Variants in DDHD1 observed in about 807,000 individuals in gnomAD.
DDHD1 encodes the protein DDHD domain containing 1.
In DDHD1, 49 loss-of-function variants were observed where a neutral mutation model predicts 96.4. The ratio of observed to expected loss-of-function variants is 0.51; its 90% CI spans 0.40 to 0.64. DDHD1 has a LOEUF of 0.64. Ranked by LOEUF, DDHD1 falls within the 30% of genes least tolerant of loss-of-function variation. DDHD1 has a pLI of 0.00. For synonymous variants in DDHD1, 442 were observed against 446.5 expected, an observed-to-expected ratio of 0.99 and a Z score of 0.13; for missense variants, 1,106 against 1,161.2, an observed-to-expected ratio of 0.95 and a Z score of 0.69.
chr14:53,117,019 A>C (rs189578788), intron 1 of DDHD1, among the ~76,000 whole-genome samples: 194 of 152,352 alleles, frequency 1.3e-3, no homozygotes, highest in Non-Finnish European at 2.2e-3. Flanking sequence ...TGCTAGCTAG[A>C]CTAATAAAGA....
At chr14:53,111,428 G>A (rs1888097638) in intron 1 of DDHD1, among the ~76,000 whole-genome samples, 1 of 151,952 alleles carries the variant, frequency 6.6e-6, no homozygotes, top group Admixed American at 6.6e-5. Context: ...AGCTATTGGT[G>A]ATAATGACTC....
chr14:53,047,047 A>G (rs1015813251), intron 12 of DDHD1, 98 bp from the exon 13 acceptor site: 2 of 929,448 alleles, frequency 2.2e-6, no homozygotes, highest in African/African-American at 3.4e-5. Context: ...AGCTAAATAG[A>G]AGTGATTCTG....
rs1881493870 is a variant in DDHD1, at chr14:53,039,494, T to C, written c.*7274A>G. 6.6e-6 allele frequency: 1 copy of C among 152,236 alleles called. No homozygotes were observed. The highest frequency in any genetic ancestry group is 2.1e-4 in the South Asian group (1 of 4,832). 9.4% of individuals were successfully genotyped at this position (152,236 alleles called of 1,614,324 possible). Reference sequence around the variant, plus strand: ...CAGACAGTGCTGATTGAGCTGCTGGTGCTTACAGGGACTCACACAAAGCAG... The same window carrying C: ...CAGACAGTGCTGATTGAGCTGCTGGCGCTTACAGGGACTCACACAAAGCAG... On this transcript the variant is annotated 3_prime_UTR_variant, in exon 13 of 13. Coordinates refer to ENST00000673822, the MANE Select transcript of DDHD1 (RefSeq NM_001160148.2).
rs1216406901 is a variant in DDHD1, at chr14:53,037,386, TTC to T, written c.*9380_*9381del. On this transcript the variant is annotated 3_prime_UTR_variant, in exon 13 of 13. Transcript: ENST00000673822. ...ACATTCCCACAACAGTGTATAAATGTTCTCTTTTCTCTGAAACCTTACTGGCA... is the reference window on the plus strand; with the variant it reads ...ACATTCCCACAACAGTGTATAAATGTTCTTTTCTCTGAAACCTTACTGGCA... 2 of 152,180 alleles carry T rather than the reference TTC, an allele frequency of 1.3e-5. No individual in the cohort carries two copies. The highest frequency in any genetic ancestry group is 4.8e-5 in the African/African-American group (2 of 41,464). 9.4% of individuals were successfully genotyped at this position (152,180 alleles called of 1,614,324 possible).
At chr14:53,068,618 TTGTC>T (rs1302618906) in intron 6 of DDHD1, among the ~76,000 whole-genome samples, 1 of 152,132 alleles carries the variant, frequency 6.6e-6, no homozygotes, top group East Asian at 1.9e-4. Flanking sequence ...CATTTTGTGT[TTGTC>T]TGATGTTTTC....
intron 1 of DDHD1, among the ~76,000 whole-genome samples, chr14:53,115,182 G>C (rs1888449111): frequency 6.6e-6 from 1 of 152,142 alleles, no homozygotes; most frequent in Non-Finnish European, 1.5e-5. Context: ...GAGAAAAAAA[G>C]AATGAAAAGG....
chr14:53,067,671 G>A (rs968999510), intron 6 of DDHD1, among the ~76,000 whole-genome samples: 7 of 151,820 alleles, frequency 4.6e-5, no homozygotes, highest in African/African-American at 1.5e-4. Flanking sequence ...TGGTTAGGCT[G>A]CTCTCAAACT....
At chr14:53,152,113 G>GAGAGAAGATGTGTAGAT in intron 1 of DDHD1, 148 bp downstream of exon 1, 9 of 833,738 alleles carry the variant, frequency 1.1e-5, no homozygotes, top group Admixed American at 3.2e-5. Flanking sequence ...AGCTGCCGAC[G>GAGAGAAGATGTGTAGAT]CTCCCTGCTC....
chr14:53,097,060 A>G (rs188102449), intron 2 of DDHD1, among the ~76,000 whole-genome samples: 1 of 152,124 alleles, frequency 6.6e-6, no homozygotes, highest in East Asian at 1.9e-4. Flanking sequence ...TTAAAAGTTC[A>G]CTTGAACTTG....
chr14:53,093,314 AC>A lies in DDHD1; in HGVS notation c.1141+1del. On this transcript the variant is annotated splice_donor_variant, in intron 3 of 12. Transcript: ENST00000673822. LOFTEE classifies it high-confidence loss of function. Reference sequence around the variant, plus strand: ...TAAGCTCTAGTAATATTTAACAATTACCTTTAGAAAATCCCAGTTTTTGGGT... The same window carrying A: ...TAAGCTCTAGTAATATTTAACAATTACTTTAGAAAATCCCAGTTTTTGGGT... The A allele has an allele frequency of 6.2e-7, 1 of 1,605,304 alleles. No homozygotes were observed. The highest frequency in any genetic ancestry group is 8.5e-7 in the Non-Finnish European group (1 of 1,177,916).
At chr14:53,070,846 T>C (rs372256659) in intron 6 of DDHD1, among the ~76,000 whole-genome samples, 2 of 152,168 alleles carry the variant, frequency 1.3e-5, no homozygotes, top group Non-Finnish European at 2.9e-5. Flanking sequence ...ATCCATTCCA[T>C]ACTTAGTTTT....
chr14:53,066,865 C>T (rs1884064479), intron 6 of DDHD1, among the ~76,000 whole-genome samples: 1 of 151,058 alleles, frequency 6.6e-6, no homozygotes, highest in African/African-American at 2.4e-5. Flanking sequence ...TACTCAGGAG[C>T]CTAAGGCACA....
rs1404527557 is a variant in DDHD1, at chr14:53,045,649, T to C, written c.*1119A>G. 2 of 152,188 alleles carry C rather than the reference T, an allele frequency of 1.3e-5. No homozygotes were observed. 9.4% of individuals were successfully genotyped at this position (152,188 alleles called of 1,614,324 possible). ...TTACTTACCTCAAGAAGCTAGTACA[T>C]GGGTTATTGAATGCACTCTTAAACT... On this transcript the variant is annotated 3_prime_UTR_variant, in exon 13 of 13. Coordinates refer to ENST00000673822, the MANE Select transcript of DDHD1 (RefSeq NM_001160148.2).
At position 53,077,687 on chromosome 14, in the gene DDHD1, A is replaced by C. The variant is rs567596392; in HGVS notation, c.1290-3840T>G. 1.3e-4 allele frequency among the ~76,000 whole-genome samples: 20 copies of C among 149,072 alleles called. 2 individuals carry two copies. The South Asian group carries it at 3.8e-3, about 28-fold the overall frequency. On this transcript the variant is annotated intron_variant, in intron 4 of 12. Transcript: ENST00000673822. ...TGTTTTTGTTTTTTTTTTTTAAAAA[A>C]CAATTGTGGCTTTTAGTATATTCAA...
Position 53,129,984 on chromosome 14 carries a change from G to A in DDHD1, c.838+22277C>T, listed in dbSNP as rs150186238. Among the ~76,000 whole-genome samples the A allele has an allele frequency of 1.0e-3, 157 of 152,220 alleles. 3 individuals are homozygous for A. The highest frequency in any genetic ancestry group is 3.5e-3 in the African/African-American group (144 of 41,538). Reference sequence around the variant, plus strand: ...CTAGTCTCTGCTCGCAATGCGACTCGTCGCAAATCTTTCTTCTTTCTCTCC... The same window carrying A: ...CTAGTCTCTGCTCGCAATGCGACTCATCGCAAATCTTTCTTCTTTCTCTCC... On this transcript the variant is annotated intron_variant, in intron 1 of 12. Transcript: ENST00000673822.
At chr14:53,116,134 T>C (rs1482655193) in intron 1 of DDHD1, among the ~76,000 whole-genome samples, 3 of 152,130 alleles carry the variant, frequency 2.0e-5, no homozygotes, top group Admixed American at 6.5e-5. Flanking sequence ...AAGAAGGACA[T>C]TACATAATGG....
chr14:53,079,160 T>C (rs1885224217), intron 4 of DDHD1, among the ~76,000 whole-genome samples: 1 of 152,194 alleles, frequency 6.6e-6, no homozygotes, highest in African/African-American at 2.4e-5. Flanking sequence ...TTGTATAGTT[T>C]TCTTTTCCTT....
At chr14:53,151,892 G>A (rs1414900441) in intron 1 of DDHD1, among the ~76,000 whole-genome samples, 1 of 152,098 alleles carries the variant, frequency 6.6e-6, no homozygotes, top group Non-Finnish European at 1.5e-5. Context: ...TAAATCATAG[G>A]CTGTTTAGGG....
intron 1 of DDHD1, among the ~76,000 whole-genome samples, chr14:53,112,695 T>A (rs1379470052): frequency 2.6e-5 from 4 of 152,194 alleles, no homozygotes; most frequent in African/African-American, 9.7e-5. Context: ...TATTTTCTAC[T>A]CCTATTTGTG....
Sources: allele counts gnomAD v4.1 joint callset (sites outside exome capture counted in the v4.1 genomes callset), GRCh38; gene constraint gnomAD v4.1.1; transcripts MANE v1.5; gene names NCBI Gene and HGNC (gene_info 2026-07-23, HGNC 2026-07-21).